SOBP: variants seen among roughly 807,000 people sequenced by gnomAD.
SOBP encodes the protein sine oculis binding protein homolog, also known as sine oculis-binding protein homolog.
SOBP carries 4 observed loss-of-function variants against 53.6 expected under a neutral mutation model. That is an observed-to-expected ratio of 0.07 (90% CI 0.04 to 0.17). The LOEUF (loss-of-function observed/expected upper bound fraction) is 0.17, where lower values mean the gene tolerates loss of function less well. Among genes scored for constraint, SOBP ranks in the 10% least tolerant of loss-of-function variants. The pLI, the probability that SOBP is intolerant of heterozygous loss-of-function variation, is 1.00. For synonymous variants in SOBP, 584 were observed against 522.6 expected (o/e 1.12, Z -1.60); for missense variants, 1,088 against 1,204.7 (o/e 0.90, Z 1.43).
rs144294389 is a variant in SOBP at position 107,588,580 on chromosome 6, T to C, written c.669+1405T>C. Among the ~76,000 whole-genome samples the C allele has an allele frequency of 4.4e-3, 675 of 152,366 alleles. 14 individuals carry two copies. Among genetic ancestry groups the C allele is most frequent in the East Asian group, 0.018 (92 of 5,194 alleles). On this transcript the variant is annotated intron_variant, in intron 5 of 6. Transcript: ENST00000317357. ...CAGCAGAAGACCACAGAGGCCCTTA[T>C]GCTGTGTTTTGGTATCAGAATGCTT...
intron 4 of SOBP, among the ~76,000 whole-genome samples, chr6:107,534,884 G>A (rs1336508030): frequency 3.9e-5 from 6 of 152,158 alleles, no homozygotes; most frequent in African/African-American, 1.4e-4. Context: ...CGGGAGACAC[G>A]TTTTGTTTTA....
At chr6:107,518,053 A>G (rs1298354379) in intron 3 of SOBP, among the ~76,000 whole-genome samples, 1 of 152,204 alleles carries the variant, frequency 6.6e-6, no homozygotes, top group Non-Finnish European at 1.5e-5. Context: ...CTTTCCAAAG[A>G]ATGAAAAAGC....
At chr6:107,588,977 G>A (rs1231056456) in intron 5 of SOBP, among the ~76,000 whole-genome samples, 3 of 152,166 alleles carry the variant, frequency 2.0e-5, no homozygotes, top group African/African-American at 7.2e-5. Flanking sequence ...TTTTTCAGCT[G>A]TAAGAAAAGT....
intron 4 of SOBP, among the ~76,000 whole-genome samples, chr6:107,567,684 A>G (rs975529287): frequency 1.3e-5 from 2 of 152,232 alleles, no homozygotes; most frequent in African/African-American, 4.8e-5. Context: ...ACATGTAGGA[A>G]TTTTGATGAT....
intron 1 of SOBP, among the ~76,000 whole-genome samples, chr6:107,491,179 C>A (rs1430705954): frequency 6.6e-6 from 1 of 152,220 alleles, no homozygotes; most frequent in Admixed American, 6.5e-5. Flanking sequence ...CCGCTTCCCC[C>A]CAACCAACCA....
intron 5 of SOBP, among the ~76,000 whole-genome samples, chr6:107,614,552 A>G (rs974314111): frequency 1.3e-5 from 2 of 152,230 alleles, no homozygotes; most frequent in Non-Finnish European, 1.5e-5. Context: ...GCAAGAAGGC[A>G]GTTCTCTTCT....
At chr6:107,560,338 C>G (rs1298990178) in intron 4 of SOBP, among the ~76,000 whole-genome samples, 1 of 152,118 alleles carries the variant, frequency 6.6e-6, no homozygotes, top group Non-Finnish European at 1.5e-5. Flanking sequence ...GGGTCTGTTA[C>G]AGGACTGTGT....
intron 5 of SOBP, among the ~76,000 whole-genome samples, chr6:107,608,040 T>G (rs896012463): frequency 1.3e-5 from 2 of 152,248 alleles, no homozygotes; most frequent in African/African-American, 4.8e-5. Flanking sequence ...GAATGCCATC[T>G]AAGGTAAGAG....
At chr6:107,628,867 A>T (rs1365967035) in intron 5 of SOBP, among the ~76,000 whole-genome samples, 1 of 152,220 alleles carries the variant, frequency 6.6e-6, no homozygotes, top group Non-Finnish European at 1.5e-5. Flanking sequence ...GCAAGTGCTC[A>T]GGTGGGTCAG....
At chr6:107,646,545 C>T (rs932033669) in intron 6 of SOBP, among the ~76,000 whole-genome samples, 3 of 152,220 alleles carry the variant, frequency 2.0e-5, no homozygotes, top group Non-Finnish European at 2.9e-5. Flanking sequence ...GGTTACACAG[C>T]GATGCCTAGA....
chr6:107,645,531 C>CAA (rs55822536), intron 6 of SOBP, among the ~76,000 whole-genome samples: 77 of 148,088 alleles, frequency 5.2e-4, no homozygotes, highest in African/African-American at 1.1e-3. Flanking sequence ...TACTGAGAGA[C>CAA]AAAAAAAAAA....
intron 4 of SOBP, among the ~76,000 whole-genome samples, chr6:107,554,508 A>G (rs1784551889): frequency 6.6e-6 from 1 of 152,210 alleles, no homozygotes; most frequent in African/African-American, 2.4e-5. Flanking sequence ...TTAAACTGTC[A>G]GCCCATTAAG....
intron 5 of SOBP, among the ~76,000 whole-genome samples, chr6:107,628,313 G>C (rs1770551150): frequency 6.6e-6 from 1 of 152,182 alleles, no homozygotes; most frequent in Non-Finnish European, 1.5e-5. Context: ...AGAATTGTGG[G>C]CTGGTTCCTT....
intron 4 of SOBP, among the ~76,000 whole-genome samples, chr6:107,571,213 CAGAG>C (rs1785064970): frequency 6.6e-6 from 1 of 152,096 alleles, no homozygotes; most frequent in African/African-American, 2.4e-5. Flanking sequence ...TCTGGGTGGC[CAGAG>C]AGACAGTTGT....
intron 5 of SOBP, among the ~76,000 whole-genome samples, chr6:107,590,156 G>A (rs1344153998): frequency 6.6e-6 from 1 of 152,168 alleles, no homozygotes; most frequent in East Asian, 1.9e-4. Flanking sequence ...AGGACCATAA[G>A]TGTGTTATGA....
chr6:107,653,192 A>G (rs1251295542), intron 6 of SOBP, among the ~76,000 whole-genome samples: 1 of 152,248 alleles, frequency 6.6e-6, no homozygotes, highest in African/African-American at 2.4e-5. Flanking sequence ...GGAGGAGAGA[A>G]GGAATCGTGT....
At chr6:107,538,462 G>A (rs1329550898) in intron 4 of SOBP, among the ~76,000 whole-genome samples, 1 of 152,236 alleles carries the variant, frequency 6.6e-6, no homozygotes, top group Non-Finnish European at 1.5e-5. Flanking sequence ...GCTTTTGCCA[G>A]TTGCTGGCAA....
chr6:107,530,808 A>C (rs141688409), intron 3 of SOBP, among the ~76,000 whole-genome samples: 1 of 152,334 alleles, frequency 6.6e-6, no homozygotes, highest in Non-Finnish European at 1.5e-5. Context: ...GCCAGATATA[A>C]AAGTGCACAA....
chr6:107,576,053 C>T (rs1018526330), intron 4 of SOBP, among the ~76,000 whole-genome samples: 2 of 152,196 alleles, frequency 1.3e-5, no homozygotes, highest in Admixed American at 6.5e-5. Context: ...TTGGTCCTGG[C>T]TTTGGAGGCA....
Sources: allele counts gnomAD v4.1 joint callset (sites outside exome capture counted in the v4.1 genomes callset), GRCh38; gene constraint gnomAD v4.1.1; transcripts MANE v1.5; gene names NCBI Gene and HGNC (gene_info 2026-07-23, HGNC 2026-07-21).